The following PSAT1 variants were observed in gnomAD, a reference collection of about 807,000 sequenced individuals.
PSAT1 encodes the protein phosphoserine aminotransferase 1.
PSAT1 carries 41 observed loss-of-function variants against 40.3 expected under a neutral mutation model. The ratio of observed to expected loss-of-function variants is 1.02; its 90% CI spans 0.79 to 1.32. The LOEUF is 1.32. Ranked by LOEUF, PSAT1 falls within the 40% of genes most tolerant of loss-of-function variation. The pLI is 0.00. For missense variants in PSAT1, 406 were observed against 455.8 expected, an observed-to-expected ratio of 0.89 and a Z score of 0.99; for synonymous variants, 147 against 170.5, an observed-to-expected ratio of 0.86 and a Z score of 1.07.
intron 6 of PSAT1, among the ~76,000 whole-genome samples, chr9:78,312,812 G>T (rs1828287124): frequency 1.3e-5 from 2 of 152,210 alleles, no homozygotes; most frequent in Non-Finnish European, 1.5e-5. Flanking sequence ...GGATGGGGAT[G>T]CCTGGAATCC....
Position 78,299,164 on chromosome 9 carries a change from A to G in PSAT1, c.61-1438A>G, listed in dbSNP as rs937124718. Among the ~76,000 whole-genome samples, 148 of 135,118 alleles carry G rather than the reference A, an allele frequency of 1.1e-3. 3 individuals are homozygous for G. The highest frequency in any genetic ancestry group is 4.0e-3 in the African/African-American group (141 of 35,690). 88.6% of individuals were successfully genotyped at this position (135,118 alleles called of 152,430 possible). A position where few individuals can be genotyped will look rare whatever the true frequency, so the allele number is the denominator to read the frequency against. On this transcript the variant is annotated intron_variant, in intron 1 of 8. Coordinates refer to ENST00000376588, the MANE Select transcript of PSAT1 (RefSeq NM_058179.4). ...CTTAACAAAAAAAAAAAAAAAAAAA[A>G]AAAAAAAATTGGTTATGATCCACAA...
chr9:78,303,335 C>A (rs1828134917), intron 3 of PSAT1, among the ~76,000 whole-genome samples: 1 of 152,262 alleles, frequency 6.6e-6, no homozygotes, highest in African/African-American at 2.4e-5. Flanking sequence ...CGTCCATTGG[C>A]CTGCTGAGTA....
rs1432870694 is a variant in PSAT1 at position 78,327,004 on chromosome 9, A to G, written c.870-1047A>G. On this transcript the variant is annotated intron_variant, in intron 7 of 8. Transcript: ENST00000376588. ...AGAGTCTTGCTCTGTTGCCCAGGCT[A>G]GAGTGCTGTGGCACAATCTTGGCTC... is the stretch of plus-strand genomic sequence containing the variant. Among the ~76,000 whole-genome samples the G allele has an allele frequency of 7.6e-5, 10 of 131,482 alleles. 1 individual carries two copies. The South Asian group carries it at 2.3e-3, about 31-fold the overall frequency. The allele number at this position is 131,482 out of a possible 152,430, so 86.3% of individuals were successfully genotyped here.
intron 6 of PSAT1, among the ~76,000 whole-genome samples, chr9:78,312,501 C>T (rs1203226500): frequency 1.3e-5 from 2 of 151,440 alleles, no homozygotes; most frequent in African/African-American, 4.9e-5. Flanking sequence ...TTCGAGACCA[C>T]CCTGACCAAC....
chr9:78,298,240 T>A lies in PSAT1; in HGVS notation c.60+970T>A, dbSNP rs183114649. 3.4e-4 allele frequency: 339 copies of A among 983,884 alleles called. 2 individuals are homozygous for A. In the African/African-American group the frequency reaches 5.5e-3, roughly 16 times the overall value. 60.9% of individuals were successfully genotyped at this position (983,884 alleles called of 1,614,324 possible). A position where few individuals can be genotyped will look rare whatever the true frequency, so the allele number is the denominator to read the frequency against. ...AGTCTCCGATGTGCCTTGAGCCCAT[T>A]GTCAGGCGGCTGCCGCCGCCGTTAG... On this transcript the variant is annotated intron_variant, in intron 1 of 8. Transcript: ENST00000376588.
chr9:78,308,666 A>G, intron 6 of PSAT1, 83 bp downstream of exon 6: 1 of 1,544,380 alleles, frequency 6.5e-7, no homozygotes, highest in Non-Finnish European at 8.8e-7. Context: ...TTAAAATAAA[A>G]CATGTAAGCC....
chr9:78,305,321 G>T (rs1400421931), intron 4 of PSAT1, among the ~76,000 whole-genome samples: 2 of 152,116 alleles, frequency 1.3e-5, no homozygotes, highest in African/African-American at 4.8e-5. Flanking sequence ...AACCATGTTG[G>T]CCAGGCTGCT....
At chr9:78,312,087 G>T in intron 6 of PSAT1, among the ~76,000 whole-genome samples, 1 of 150,898 alleles carries the variant, frequency 6.6e-6, no homozygotes, top group East Asian at 1.9e-4. Context: ...AATGACCATA[G>T]GCCCTGGGAA....
intron 6 of PSAT1, among the ~76,000 whole-genome samples, chr9:78,311,495 C>A (rs1413259808): frequency 6.6e-6 from 1 of 152,084 alleles, no homozygotes; most frequent in East Asian, 1.9e-4. Flanking sequence ...CAGTCACTCT[C>A]TGGTACCTTC....
At chr9:78,322,350 C>A (rs1341052507) in intron 7 of PSAT1, among the ~76,000 whole-genome samples, 1 of 151,914 alleles carries the variant, frequency 6.6e-6, no homozygotes, top group Non-Finnish European at 1.5e-5. Flanking sequence ...TCATCACAAC[C>A]CTGTGAAGTA....
intron 1 of PSAT1, among the ~76,000 whole-genome samples, chr9:78,297,733 G>C (rs1246997788): frequency 6.6e-6 from 1 of 152,218 alleles, no homozygotes; most frequent in Non-Finnish European, 1.5e-5. Context: ...AGTGATGAAC[G>C]GGAATGAACC....
chr9:78,325,285 G>A lies in PSAT1; in HGVS notation c.870-2766G>A, dbSNP rs146800349. Among the ~76,000 whole-genome samples the A allele has an allele frequency of 1.2e-4, 19 of 152,212 alleles. No individual in the cohort carries two copies. The East Asian group carries it at 1.4e-3, about 11-fold the overall frequency. ...TAAGAGCTTTCCAGCAGGTCTGTGC[G>A]TTCCCAGTTTCTTCACCCCCCAGTC... On this transcript the variant is annotated intron_variant, in intron 7 of 8. Coordinates refer to ENST00000376588, the MANE Select transcript of PSAT1 (RefSeq NM_058179.4).
intron 5 of PSAT1, among the ~76,000 whole-genome samples, chr9:78,307,543 C>T (rs1264919460): frequency 6.6e-6 from 1 of 152,210 alleles, no homozygotes; most frequent in Non-Finnish European, 1.5e-5. Context: ...CCTGCCAACG[C>T]TCAATTTTCC....
rs147747570 is a variant in PSAT1, at chr9:78,316,027, C to T, written c.741-1649C>T. Among the ~76,000 whole-genome samples, 71 of 152,326 alleles carry T rather than the reference C, an allele frequency of 4.7e-4. 1 individual carries two copies. In the East Asian group the frequency reaches 0.012, roughly 25 times the overall value. ...CCCAGCTCAAGGGAGATGGTGTCTT[C>T]CCTGGGCGACCTCTCCTCCTGTGCC... is the stretch of plus-strand genomic sequence containing the variant. On this transcript the variant is annotated intron_variant, in intron 6 of 8. Transcript: ENST00000376588.
chr9:78,297,683 G>A (rs540881481), intron 1 of PSAT1, among the ~76,000 whole-genome samples: 60 of 152,354 alleles, frequency 3.9e-4, no homozygotes, highest in African/African-American at 1.4e-3. Flanking sequence ...GCGAGCCCGG[G>A]CAGTGTGGAG....
intron 7 of PSAT1, among the ~76,000 whole-genome samples, chr9:78,320,337 T>TCCATCC (rs1564018504): frequency 1.1e-4 from 4 of 37,404 alleles, no homozygotes; most frequent in African/African-American, 2.7e-4. Context: ...TCCATCCATC[T>TCCATCC]ATCCATCCAT....
intron 6 of PSAT1, among the ~76,000 whole-genome samples, chr9:78,315,168 G>A (rs1441793648): frequency 6.6e-6 from 1 of 152,198 alleles, no homozygotes; most frequent in Non-Finnish European, 1.5e-5. Context: ...TAGCTCTGCA[G>A]TCCCACTCGC....
chr9:78,301,213 T>C (rs1828102669), intron 2 of PSAT1, among the ~76,000 whole-genome samples: 1 of 152,214 alleles, frequency 6.6e-6, no homozygotes, highest in South Asian at 2.1e-4. Flanking sequence ...CAGCTTACCC[T>C]GTCATAATTG....
chr9:78,325,269 T>C (rs1203020379), intron 7 of PSAT1, among the ~76,000 whole-genome samples: 1 of 152,180 alleles, frequency 6.6e-6, no homozygotes, highest in Non-Finnish European at 1.5e-5. Context: ...ATAAGAGCTT[T>C]CCAGCAGGTC....
Sources: gnomAD v4.1 joint callset for allele counts (sites outside exome capture counted in the v4.1 genomes callset) on GRCh38, gnomAD v4.1.1 for gene constraint, MANE v1.5 for transcripts, NCBI Gene and HGNC (gene_info 2026-07-23, HGNC 2026-07-21) for gene names.